Variants in MICAL2 observed in about 807,000 individuals in gnomAD.
MICAL2 encodes the protein microtubule associated monooxygenase, calponin and LIM domain containing 2.
In MICAL2, 77 loss-of-function variants were observed where a neutral mutation model predicts 127.3. The ratio of observed to expected loss-of-function variants is 0.60; its 90% CI spans 0.50 to 0.73. The LOEUF (loss-of-function observed/expected upper bound fraction) is 0.73, where lower values mean the gene tolerates loss of function less well. Ranked by LOEUF, MICAL2 falls within the 30% of genes least tolerant of loss-of-function variation. The pLI, the probability that MICAL2 is intolerant of heterozygous loss-of-function variation, is 0.00. For missense variants in MICAL2, 1,351 were observed against 1,434.4 expected, an observed-to-expected ratio of 0.94 and a Z score of 0.94; for synonymous variants, 570 against 551.1, an observed-to-expected ratio of 1.03 and a Z score of -0.48.
At chr11:12,292,844 T>C (rs1461317993), downstream of MICAL2, among the ~76,000 whole-genome samples, 1 of 152,184 alleles carries the variant, frequency 6.6e-6, no homozygotes, top group African/African-American at 2.4e-5. Context: ...GGTGCTCTGG[T>C]GAAGCCCCTG....
intron 17 of MICAL2, among the ~76,000 whole-genome samples, chr11:12,240,245 C>T (rs1371578042): frequency 6.6e-6 from 1 of 152,204 alleles, no homozygotes; most frequent in African/African-American, 2.4e-5. Flanking sequence ...AGGCTGTAGG[C>T]TTCCTTCTGA....
intron 3 of MICAL2, among the ~76,000 whole-genome samples, chr11:12,181,090 C>A (rs933406338): frequency 1.3e-5 from 2 of 151,982 alleles, no homozygotes; most frequent in Non-Finnish European, 2.9e-5. Flanking sequence ...ATTATAGGCA[C>A]CTGCCACCAT....
At chr11:12,317,619 C>A (rs550834756) in intron 29 of MICAL2, among the ~76,000 whole-genome samples, 1 of 152,202 alleles carries the variant, frequency 6.6e-6, no homozygotes, top group Non-Finnish European at 1.5e-5. Context: ...TGGCGAAACT[C>A]CATCTCTGTT....
chr11:12,134,879 A>G (rs1004977769), intron 1 of MICAL2, among the ~76,000 whole-genome samples: 1 of 152,250 alleles, frequency 6.6e-6, no homozygotes, highest in Admixed American at 6.5e-5. Flanking sequence ...AGGAGGCTCA[A>G]AGATTCAAAA....
At chr11:12,119,692 TG>T (rs1248576028) in intron 1 of MICAL2, among the ~76,000 whole-genome samples, 1 of 152,150 alleles carries the variant, frequency 6.6e-6, no homozygotes, top group Non-Finnish European at 1.5e-5. Context: ...CCTTTCCCTT[TG>T]GACTCAGGTG....
chr11:12,319,146 T>A (rs1864263313), intron 29 of MICAL2, among the ~76,000 whole-genome samples: 1 of 145,586 alleles, frequency 6.9e-6, no homozygotes, highest in African/African-American at 2.8e-5. Context: ...CATTTGGGAT[T>A]TTTTTTTTCT....
chr11:12,230,187 C>CT (rs1226367875), intron 15 of MICAL2, among the ~76,000 whole-genome samples: 1 of 152,164 alleles, frequency 6.6e-6, no homozygotes, highest in Non-Finnish European at 1.5e-5. Context: ...TATCTGAATG[C>CT]TTTTTTGATT....
At chr11:12,338,412 T>C (rs1233232516) in intron 32 of MICAL2, among the ~76,000 whole-genome samples, 2 of 152,242 alleles carry the variant, frequency 1.3e-5, no homozygotes, top group Admixed American at 1.3e-4. Flanking sequence ...TTATCCAATT[T>C]GCCAGTCTGT....
At chr11:12,139,963 G>A (rs1302533327) in intron 2 of MICAL2, among the ~76,000 whole-genome samples, 1 of 152,142 alleles carries the variant, frequency 6.6e-6, no homozygotes, top group African/African-American at 2.4e-5. Flanking sequence ...ATCCAGGCTT[G>A]ACCCAGGGCC....
rs552721300 is a variant in MICAL2 at position 12,237,391 on chromosome 11, C to T, written c.2064+1146C>T. Among the ~76,000 whole-genome samples, 15 of 152,250 alleles carry T rather than the reference C, an allele frequency of 9.9e-5. No individual in the cohort carries two copies. In the East Asian group the frequency reaches 2.9e-3, roughly 29 times the overall value. On this transcript the variant is annotated intron_variant, in intron 16 of 27. Transcript: ENST00000683283. ...AGCAAATAGAGACACAGAGAGGAAGCGGAGACTGCACAAGGCTACAGACAC... is the reference window on the plus strand; with the variant it reads ...AGCAAATAGAGACACAGAGAGGAAGTGGAGACTGCACAAGGCTACAGACAC...
intron 2 of MICAL2, among the ~76,000 whole-genome samples, chr11:12,155,099 C>A (rs1564948): frequency 6.6e-6 from 1 of 152,006 alleles, no homozygotes; most frequent in African/African-American, 2.4e-5. Context: ...GCGGTGCAAG[C>A]TGAGGGCTGG....
chr11:12,267,079 A>C (rs536288383), downstream of MICAL2, among the ~76,000 whole-genome samples: 1 of 152,250 alleles, frequency 6.6e-6, no homozygotes, highest in Admixed American at 6.5e-5. Context: ...CAGGTTTCTG[A>C]TTCCCCAGCC....
intron 1 of MICAL2, among the ~76,000 whole-genome samples, chr11:12,130,949 C>G (rs1008468709): frequency 6.6e-6 from 1 of 152,112 alleles, no homozygotes; most frequent in Admixed American, 6.5e-5. Flanking sequence ...CTGTGATGGT[C>G]GCATGACTGG....
chr11:12,149,972 T>C (rs926203853), intron 2 of MICAL2, among the ~76,000 whole-genome samples: 1 of 152,124 alleles, frequency 6.6e-6, no homozygotes, highest in African/African-American at 2.4e-5. Context: ...TAAGGCCCCA[T>C]AAGTGGCGGT....
chr11:12,236,552 A>G (rs1859091109), intron 16 of MICAL2, among the ~76,000 whole-genome samples: 1 of 152,228 alleles, frequency 6.6e-6, no homozygotes, highest in Non-Finnish European at 1.5e-5. Flanking sequence ...ATGGTATCTG[A>G]CACATGTTAA....
intron 1 of MICAL2, among the ~76,000 whole-genome samples, chr11:12,134,770 G>A (rs538281696): frequency 6.6e-5 from 10 of 152,114 alleles, no homozygotes; most frequent in East Asian, 5.8e-4. Context: ...CTGGAGGAGC[G>A]TTCAAGGCCA....
intron 32 of MICAL2, among the ~76,000 whole-genome samples, chr11:12,345,825 T>G (rs1253080239): frequency 2.6e-5 from 4 of 152,164 alleles, no homozygotes; most frequent in Admixed American, 6.5e-5. Context: ...CATTTTGGGT[T>G]GTTTATATAG....
At chr11:12,200,339 C>T (rs1860537574) in intron 3 of MICAL2, among the ~76,000 whole-genome samples, 1 of 152,186 alleles carries the variant, frequency 6.6e-6, no homozygotes, top group African/African-American at 2.4e-5. Context: ...GGAAAGAGCT[C>T]CTTCGGGTCG....
At chr11:12,201,108 C>T (rs1860665074) in intron 3 of MICAL2, among the ~76,000 whole-genome samples, 2 of 151,948 alleles carry the variant, frequency 1.3e-5, no homozygotes, top group South Asian at 4.2e-4. Flanking sequence ...AGATAAAGAG[C>T]AGTGCTGGGC....
Sources: allele counts gnomAD v4.1 joint callset (sites outside exome capture counted in the v4.1 genomes callset), GRCh38; gene constraint gnomAD v4.1.1; transcripts MANE v1.5; gene names NCBI Gene and HGNC (gene_info 2026-07-23, HGNC 2026-07-21).